The following DLGAP1 variants were observed in gnomAD, a reference collection of about 807,000 sequenced individuals.
DLGAP1 encodes the protein DLG associated protein 1.
Under a neutral mutation model 90.8 loss-of-function variants are expected in DLGAP1, and 11 were observed. That is an observed-to-expected ratio of 0.12 (90% CI 0.08 to 0.20). The LOEUF (loss-of-function observed/expected upper bound fraction) is 0.20, where lower values mean the gene tolerates loss of function less well. Ranked by LOEUF, DLGAP1 falls within the 10% of genes least tolerant of loss-of-function variation. The pLI, the probability that DLGAP1 is intolerant of heterozygous loss-of-function variation, is 1.00. For synonymous variants in DLGAP1, 558 were observed against 540.7 expected, an observed-to-expected ratio of 1.03 and a Z score of -0.44; for missense variants, 1,050 against 1,333.8, an observed-to-expected ratio of 0.79 and a Z score of 3.31.
At chr18:4,168,668 G>A (rs566459770) in intron 1 of DLGAP1, among the ~76,000 whole-genome samples, 48 of 152,266 alleles carry the variant, frequency 3.2e-4, no homozygotes, top group African/African-American at 1.1e-3. Flanking sequence ...CCTCTGACTA[G>A]TTTATTTCAC....
chr18:4,025,136 G>A (rs573418655), intron 2 of DLGAP1, among the ~76,000 whole-genome samples: 11 of 152,302 alleles, frequency 7.2e-5, no homozygotes, highest in African/African-American at 2.6e-4. Context: ...ATAAAAAAGA[G>A]TGTGTGAGGC....
chr18:3,519,025 AT>A (rs972935690), intron 10 of DLGAP1, among the ~76,000 whole-genome samples: 6 of 152,146 alleles, frequency 3.9e-5, no homozygotes, highest in Non-Finnish European at 8.8e-5. Context: ...AGGGGCTCAG[AT>A]TTTAGTGCCT....
At chr18:4,436,304 G>T (rs1029154168) in intron 1 of DLGAP1, among the ~76,000 whole-genome samples, 16 of 152,070 alleles carry the variant, frequency 1.1e-4, no homozygotes, top group African/African-American at 3.6e-4. Context: ...CTGGAGACAG[G>T]AACCTAAAAG....
At chr18:4,145,728 A>T (rs1477893716) in intron 2 of DLGAP1, among the ~76,000 whole-genome samples, 1 of 152,240 alleles carries the variant, frequency 6.6e-6, no homozygotes, top group Non-Finnish European at 1.5e-5. Context: ...ACGAGAAGAA[A>T]AAAATGAATA....
At chr18:4,290,833 G>GAC (rs1440633852) in intron 1 of DLGAP1, among the ~76,000 whole-genome samples, 1 of 152,064 alleles carries the variant, frequency 6.6e-6, no homozygotes, top group Non-Finnish European at 1.5e-5. Context: ...ACCCACATGT[G>GAC]GTCTATCTTT....
At chr18:3,601,572 G>C (rs1167261057) in intron 7 of DLGAP1, among the ~76,000 whole-genome samples, 3 of 151,990 alleles carry the variant, frequency 2.0e-5, no homozygotes, top group Non-Finnish European at 4.4e-5. Flanking sequence ...GCTGGGCATG[G>C]TGGTTCACGC....
chr18:3,944,422 G>A (rs1373817990), intron 3 of DLGAP1, among the ~76,000 whole-genome samples: 1 of 152,136 alleles, frequency 6.6e-6, no homozygotes, highest in Non-Finnish European at 1.5e-5. Context: ...CTTGAACAGG[G>A]ACCTGGGAGG....
At chr18:3,970,761 TA>T (rs11319848) in intron 3 of DLGAP1, among the ~76,000 whole-genome samples, 13,982 of 152,168 alleles carry the variant, frequency 0.092, 1,366 homozygotes, top group African/African-American at 0.25. Context: ...ATCTTGACAT[TA>T]ATATTAACAT....
At chr18:3,809,578 C>A (rs1287901003) in intron 5 of DLGAP1, among the ~76,000 whole-genome samples, 2 of 152,176 alleles carry the variant, frequency 1.3e-5, no homozygotes. Context: ...CTTGCAACAG[C>A]CTGGAATCCT....
chr18:4,351,586 G>A (rs768997612), intron 1 of DLGAP1, among the ~76,000 whole-genome samples: 3 of 152,112 alleles, frequency 2.0e-5, no homozygotes, highest in Non-Finnish European at 2.9e-5. Flanking sequence ...TCCATGGCAC[G>A]TGAAAATAGA....
At chr18:4,348,442 G>A (rs1443644786) in intron 1 of DLGAP1, among the ~76,000 whole-genome samples, 1 of 145,662 alleles carries the variant, frequency 6.9e-6, no homozygotes, top group Non-Finnish European at 1.5e-5. Flanking sequence ...GTGTGTGTGT[G>A]TACAAACTGA....
intron 1 of DLGAP1, among the ~76,000 whole-genome samples, chr18:4,171,362 C>T (rs1283488666): frequency 6.6e-6 from 1 of 151,760 alleles, no homozygotes. Context: ...GGTGAAACCC[C>T]GTCTCTACTA....
chr18:3,994,122 C>T (rs1415785164), intron 3 of DLGAP1, among the ~76,000 whole-genome samples: 1 of 152,146 alleles, frequency 6.6e-6, no homozygotes, highest in Admixed American at 6.5e-5. Context: ...GGCCACCTTC[C>T]CCAGTGCTTG....
rs1277472924 is a variant in DLGAP1 at position 3,727,058 on chromosome 18, T to C, written c.1591+2077A>G. On this transcript the variant is annotated intron_variant, in intron 7 of 12. Transcript: ENST00000315677. The surrounding 1 kb of genome is among the most constrained non-coding windows in gnomAD (Gnocchi z 4.7). ...TTCATCTCCTGCCCTGATAGGCTTG[T>C]TGGATTTTAGAAAAATACTACAAAC... 1.3e-5 allele frequency among the ~76,000 whole-genome samples: 2 copies of C among 152,214 alleles called. No homozygotes were observed. Among genetic ancestry groups the C allele is most frequent in the Non-Finnish European group, 2.9e-5 (2 of 68,028 alleles).
At chr18:3,981,385 C>T (rs2073725402) in intron 3 of DLGAP1, among the ~76,000 whole-genome samples, 1 of 152,258 alleles carries the variant, frequency 6.6e-6, no homozygotes, top group Non-Finnish European at 1.5e-5. Context: ...CTTCCGTCCT[C>T]ATCCCGACCC....
At chr18:4,081,197 T>C (rs1321209511) in intron 2 of DLGAP1, among the ~76,000 whole-genome samples, 3 of 152,038 alleles carry the variant, frequency 2.0e-5, no homozygotes, top group Admixed American at 2.0e-4. Context: ...TGAATGCCTT[T>C]TCTTTTAAAA....
At chr18:3,823,903 T>C (rs1299627195) in intron 4 of DLGAP1, among the ~76,000 whole-genome samples, 2 of 123,494 alleles carry the variant, frequency 1.6e-5, no homozygotes, top group Non-Finnish European at 1.6e-5. Flanking sequence ...TGAGCCAAGA[T>C]GGTACCATTA....
intron 8 of DLGAP1, among the ~76,000 whole-genome samples, chr18:3,574,976 A>G (rs7229027): frequency 0.47 from 70,731 of 150,366 alleles, 17,082 homozygotes; most frequent in East Asian, 0.82. Context: ...CACCACGCCC[A>G]GCTAATTTTT....
intron 1 of DLGAP1, among the ~76,000 whole-genome samples, chr18:4,408,665 TTAA>T (rs1331948471): frequency 2.0e-5 from 3 of 152,062 alleles, no homozygotes; most frequent in African/African-American, 7.2e-5. Flanking sequence ...ATGTACAAAA[TTAA>T]TAATATGTCC....
Sources: gnomAD v4.1 joint callset for allele counts (sites outside exome capture counted in the v4.1 genomes callset) on GRCh38, gnomAD v4.1.1 for gene constraint, Gnocchi (gnomAD v3.1) non-coding constraint, MANE v1.5 for transcripts, NCBI Gene and HGNC (gene_info 2026-07-23, HGNC 2026-07-21) for gene names.